Variants in DOCK1 observed in about 807,000 individuals in gnomAD.
DOCK1 encodes dedicator of cytokinesis protein 1.
Under a neutral mutation model 262.7 loss-of-function variants are expected in DOCK1, and 138 were observed. The observed-to-expected ratio is 0.53, with a 90% confidence interval of 0.46 to 0.61. The LOEUF (loss-of-function observed/expected upper bound fraction) is 0.61, where lower values mean the gene tolerates loss of function less well. DOCK1 is among the 20% of genes least tolerant of loss of function. The probability of loss-of-function intolerance (pLI) is 0.00; values close to 1 mark genes in which losing one functional copy is unlikely to be tolerated. For missense variants in DOCK1, 1,908 were observed against 2,370.7 expected, an observed-to-expected ratio of 0.80 and a Z score of 4.05; for synonymous variants, 866 against 867.4, an observed-to-expected ratio of 1.00 and a Z score of 0.03.
At chr10:127,024,813 G>T (rs1411124305) in intron 15 of DOCK1, 30 bp downstream of exon 15, 2 of 1,538,878 alleles carry the variant, frequency 1.3e-6, no homozygotes, top group Non-Finnish European at 1.8e-6. Context: ...TTTATCACAT[G>T]GCGCTGATTA....
Position 126,941,696 on chromosome 10 carries a change from A to G in DOCK1, c.47-29006A>G, listed in dbSNP as rs962166951. 7.8e-3 allele frequency among the ~76,000 whole-genome samples: 1,189 copies of G among 152,172 alleles called. 10 individuals carry two copies. The highest frequency in any genetic ancestry group is 0.027 in the African/African-American group (1,122 of 41,554). ...CGTGAACCCGGGAGGCGGAGCTTGC[A>G]GTGAGCCGAGATCGTGCCACTGCAC... On this transcript the variant is annotated intron_variant, in intron 1 of 51. Transcript: ENST00000623213.
chr10:127,176,091 C>G lies in DOCK1; in HGVS notation c.2847+48327C>G. On this transcript the variant is annotated intron_variant, in intron 27 of 51. Transcript: ENST00000623213. This position sits in a 1 kb window ranked among gnomAD's most constrained non-coding sequence, Gnocchi z 4.4. ...GTCGGGCGAGGTCTGCACGCCTGTG[C>G]TCTTGGTGACGTTGGGGATGGACCT... is the stretch of plus-strand genomic sequence containing the variant. 6.2e-7 allele frequency: 1 copy of G among 1,614,174 alleles called. No individual in the cohort carries two copies. Among genetic ancestry groups the G allele is most frequent in the Non-Finnish European group, 8.5e-7 (1 of 1,180,044 alleles).
chr10:127,201,244 TCTC>T (rs1160707489), intron 27 of DOCK1, among the ~76,000 whole-genome samples: 5 of 152,136 alleles, frequency 3.3e-5, no homozygotes, highest in Non-Finnish European at 7.4e-5. Flanking sequence ...GAGCCTTCAC[TCTC>T]CTCTTTCTGG....
chr10:127,092,933 T>C (rs1424913588), intron 23 of DOCK1, among the ~76,000 whole-genome samples: 1 of 152,136 alleles, frequency 6.6e-6, no homozygotes, highest in Non-Finnish European at 1.5e-5. Flanking sequence ...AGGGCTGCTG[T>C]CACAATACAA....
chr10:127,340,813 G>C (rs2063394937), intron 30 of DOCK1, among the ~76,000 whole-genome samples: 2 of 152,088 alleles, frequency 1.3e-5, no homozygotes, highest in South Asian at 4.1e-4. Flanking sequence ...ATACTTAGTG[G>C]CCATGTGGGT....
intron 30 of DOCK1, among the ~76,000 whole-genome samples, chr10:127,341,745 A>G (rs936178391): frequency 6.6e-6 from 1 of 152,100 alleles, no homozygotes; most frequent in Non-Finnish European, 1.5e-5. Flanking sequence ...GTGAGCCCGC[A>G]CACCTTACAA....
At chr10:127,009,941 C>T (rs1196926496) in intron 11 of DOCK1, among the ~76,000 whole-genome samples, 3 of 151,988 alleles carry the variant, frequency 2.0e-5, no homozygotes, top group Admixed American at 6.6e-5. Flanking sequence ...TGCAGGCGGG[C>T]GATGTGGTCA....
intron 19 of DOCK1, among the ~76,000 whole-genome samples, chr10:127,042,382 A>C (rs2135635585): frequency 6.6e-6 from 1 of 152,318 alleles, no homozygotes; most frequent in South Asian, 2.1e-4. Context: ...TGGGGGAAGC[A>C]GTAGGCCCTC....
intron 33 of DOCK1, 24 bp downstream of exon 33, chr10:127,362,236 G>C: frequency 6.2e-7 from 1 of 1,603,470 alleles, no homozygotes; most frequent in Non-Finnish European, 8.5e-7. Flanking sequence ...TGTGCAGCGA[G>C]TGGCCGGGGG....
chr10:127,088,476 A>G (rs1028738413), intron 23 of DOCK1, among the ~76,000 whole-genome samples: 1 of 152,172 alleles, frequency 6.6e-6, no homozygotes, highest in Non-Finnish European at 1.5e-5. Flanking sequence ...TGTCCTGGAT[A>G]TATGTCTCTG....
At chr10:127,342,541 A>G (rs1474501227) in intron 30 of DOCK1, among the ~76,000 whole-genome samples, 2 of 152,208 alleles carry the variant, frequency 1.3e-5, no homozygotes, top group East Asian at 1.9e-4. Context: ...TGTGCTGTTC[A>G]TGGGAAGTGT....
intron 27 of DOCK1, among the ~76,000 whole-genome samples, chr10:127,220,019 C>A (rs2058366198): frequency 6.6e-6 from 1 of 152,122 alleles, no homozygotes; most frequent in Non-Finnish European, 1.5e-5. Flanking sequence ...CCATCCTTCA[C>A]AGAGTCTTCA....
intron 23 of DOCK1, among the ~76,000 whole-genome samples, chr10:127,068,426 C>T (rs1349265148): frequency 6.6e-6 from 1 of 152,114 alleles, no homozygotes; most frequent in African/African-American, 2.4e-5. Context: ...TAACTTTGGG[C>T]CTGTCTGGCA....
At position 126,999,369 on chromosome 10, in the gene DOCK1, T is replaced by A; in HGVS notation, c.783T>A (p.Val261=). ...ATTTTTCAAGTGAGAACTACCTGGT[T>A]CGCTGGTCCAGTTCAGGATTACCTA... is the stretch of plus-strand genomic sequence containing the variant. ...ESKFISENYL[V]RWSSSGLPKD... is the part of the protein sequence containing the mutation. Residue 261 remains valine (V), a synonymous_variant, in exon 9 of 52, where the codon GTT becomes GTA. Transcript: ENST00000623213. 2 of 1,613,442 alleles carry A rather than the reference T, an allele frequency of 1.2e-6. No homozygotes were observed. Among genetic ancestry groups the A allele is most frequent in the Non-Finnish European group, 1.7e-6 (2 of 1,179,678 alleles).
chr10:127,318,963 A>G (rs1423142438), intron 29 of DOCK1, among the ~76,000 whole-genome samples: 1 of 152,200 alleles, frequency 6.6e-6, no homozygotes, highest in African/African-American at 2.4e-5. Flanking sequence ...CCTTGACCAG[A>G]GACTGGAATG....
intron 27 of DOCK1, among the ~76,000 whole-genome samples, chr10:127,132,131 C>T (rs2050362598): frequency 6.6e-6 from 1 of 152,172 alleles, no homozygotes; most frequent in African/African-American, 2.4e-5. Flanking sequence ...GAACTTCACA[C>T]TTAATTAGAT....
intron 1 of DOCK1, among the ~76,000 whole-genome samples, chr10:126,942,275 G>A (rs1392764850): frequency 6.6e-6 from 1 of 152,108 alleles, no homozygotes; most frequent in Non-Finnish European, 1.5e-5. Context: ...CACCTGCCTC[G>A]GCCTCCCGAA....
In DOCK1 at chr10:127,270,991, A is replaced by G. The variant is rs779801461; in HGVS notation, c.3044+13562A>G. On this transcript the variant is annotated intron_variant, in intron 29 of 51. Coordinates refer to ENST00000623213, the MANE Select transcript of DOCK1 (RefSeq NM_001290223.2). ...TTTCTATGCTTAACAAAAGTTATAT[A>G]TGTGTGTATGTGTGTGTGTGTGTGT... Among the ~76,000 whole-genome samples, 113 of 111,798 alleles carry G rather than the reference A, an allele frequency of 1.0e-3. 1 individual carries two copies. Among genetic ancestry groups the G allele is most frequent in the African/African-American group, 1.4e-3 (47 of 34,504 alleles). The allele number at this position is 111,798 out of a possible 152,430, so 73.3% of individuals were successfully genotyped here. A position where few individuals can be genotyped will look rare whatever the true frequency, so the allele number is the denominator to read the frequency against.
At chr10:127,277,291 A>G (rs1015527237) in intron 29 of DOCK1, among the ~76,000 whole-genome samples, 1 of 152,240 alleles carries the variant, frequency 6.6e-6, no homozygotes, top group Non-Finnish European at 1.5e-5. Context: ...AAGAAAATAC[A>G]TATAGACCTT....
Sources: gnomAD v4.1 joint callset for allele counts (sites outside exome capture counted in the v4.1 genomes callset) on GRCh38, gnomAD v4.1.1 for gene constraint, Gnocchi (gnomAD v3.1) non-coding constraint, MANE v1.5 for transcripts, NCBI Gene and HGNC (gene_info 2026-07-23, HGNC 2026-07-21) for gene names.